RIMBP2: variants seen among roughly 807,000 people sequenced by gnomAD.
The protein encoded by RIMBP2 is RIMS-binding protein 2.
Under a neutral mutation model 118.6 loss-of-function variants are expected in RIMBP2, and 48 were observed. That is an observed-to-expected ratio of 0.40 (90% CI 0.32 to 0.51). The LOEUF is 0.51. Among genes scored for constraint, RIMBP2 ranks in the 20% least tolerant of loss-of-function variants. The pLI, the probability that RIMBP2 is intolerant of heterozygous loss-of-function variation, is 0.41. For synonymous variants in RIMBP2, 762 were observed against 742.9 expected (o/e 1.03, Z -0.42); for missense variants, 1,551 against 1,768.3 (o/e 0.88, Z 2.20).
At chr12:130,510,435 T>C (rs1056657522) in intron 3 of RIMBP2, among the ~76,000 whole-genome samples, 2 of 151,428 alleles carry the variant, frequency 1.3e-5, no homozygotes, top group African/African-American at 2.4e-5. Context: ...CCAGACAGAG[T>C]CCATGGAGGA....
chr12:130,708,914 T>C (rs1385342675), intron 1 of RIMBP2, among the ~76,000 whole-genome samples: 1 of 152,072 alleles, frequency 6.6e-6, no homozygotes, highest in Non-Finnish European at 1.5e-5. Context: ...GCAGCCCGGG[T>C]TTGAAACTGG....
chr12:130,413,962 G>A (rs2075929860), intron 18 of RIMBP2, among the ~76,000 whole-genome samples, 163 bp downstream of exon 18: 1 of 152,212 alleles, frequency 6.6e-6, no homozygotes, highest in African/African-American at 2.4e-5. Flanking sequence ...GCAGAGGGCA[G>A]GGCCCTTGCC....
At chr12:130,508,747 C>T (rs1188233197) in intron 3 of RIMBP2, among the ~76,000 whole-genome samples, 2 of 152,174 alleles carry the variant, frequency 1.3e-5, no homozygotes, top group East Asian at 3.9e-4. Flanking sequence ...TTTCTTCTGC[C>T]TTGCAATTTC....
intron 2 of RIMBP2, among the ~76,000 whole-genome samples, chr12:130,626,794 C>T (rs565548430): frequency 1.3e-5 from 2 of 151,196 alleles, no homozygotes; most frequent in Admixed American, 1.3e-4. Flanking sequence ...ATCACCATCT[C>T]CTCCATCAAC....
intron 6 of RIMBP2, among the ~76,000 whole-genome samples, chr12:130,460,860 C>T (rs1478779323): frequency 1.3e-5 from 2 of 152,142 alleles, no homozygotes; most frequent in South Asian, 2.1e-4. Flanking sequence ...AGCCAGCTCG[C>T]CTTGAGCCCC....
chr12:130,706,067 A>G (rs563740508), intron 1 of RIMBP2, among the ~76,000 whole-genome samples: 2 of 152,378 alleles, frequency 1.3e-5, no homozygotes, highest in East Asian at 1.9e-4. Context: ...TTCCATTCAC[A>G]TGCTAATGAT....
In RIMBP2 at chr12:130,664,403, G is replaced by GCA. The variant is rs1555320851; in HGVS notation, c.-351-35949_-351-35948dup. Among the ~76,000 whole-genome samples the GCA allele has an allele frequency of 2.4e-3, 147 of 61,708 alleles. 2 individuals are homozygous for GCA. The highest frequency in any genetic ancestry group is 0.013 in the Middle Eastern group (1 of 80). 40.5% of individuals were successfully genotyped at this position (61,708 alleles called of 152,430 possible). ...CGCACGCGCATGCACACACACGCAC[G>GCA]CACGCACGCACACACACGCACACAC... On this transcript the variant is annotated intron_variant, in intron 1 of 22. Coordinates refer to ENST00000690449, the MANE Select transcript of RIMBP2 (RefSeq NM_001393629.1).
chr12:130,567,876 C>T (rs556462317), intron 2 of RIMBP2, among the ~76,000 whole-genome samples: 73 of 152,312 alleles, frequency 4.8e-4, no homozygotes, highest in African/African-American at 1.6e-3. Flanking sequence ...AAATAATTAG[C>T]ATGGGCTCTG....
intron 1 of RIMBP2, among the ~76,000 whole-genome samples, chr12:130,662,828 C>G (rs753090731): frequency 6.6e-6 from 1 of 152,030 alleles, no homozygotes; most frequent in African/African-American, 2.4e-5. Flanking sequence ...TGGCGGTGCA[C>G]TCCTATGGTC....
intron 2 of RIMBP2, among the ~76,000 whole-genome samples, chr12:130,544,409 G>A (rs1466605309): frequency 6.6e-6 from 1 of 152,178 alleles, no homozygotes; most frequent in Non-Finnish European, 1.5e-5. Flanking sequence ...CATTGATGCT[G>A]AGATACAGTA....
chr12:130,518,529 C>G (rs2051723919), intron 2 of RIMBP2, among the ~76,000 whole-genome samples: 1 of 152,106 alleles, frequency 6.6e-6, no homozygotes, highest in Non-Finnish European at 1.5e-5. Flanking sequence ...GTTAAGCCCC[C>G]AAAGAAAGCT....
At chr12:130,470,153 T>C (rs1334778583) in intron 6 of RIMBP2, 2 of 152,298 alleles carry the variant, frequency 1.3e-5, no homozygotes, top group Non-Finnish European at 2.9e-5. Flanking sequence ...TCATGTCGTG[T>C]TTGCGAGGAC....
intron 1 of RIMBP2, among the ~76,000 whole-genome samples, chr12:130,702,846 C>T (rs113613862): frequency 1.3e-5 from 2 of 152,042 alleles, no homozygotes; most frequent in African/African-American, 4.8e-5. Context: ...TTCTTGGGGC[C>T]GCTCTTTTCT....
At chr12:130,561,949 T>C (rs2056852145) in intron 2 of RIMBP2, among the ~76,000 whole-genome samples, 1 of 152,152 alleles carries the variant, frequency 6.6e-6, no homozygotes, top group Admixed American at 6.5e-5. Context: ...GTAATATATG[T>C]TCACTGTCAA....
intron 1 of RIMBP2, among the ~76,000 whole-genome samples, chr12:130,714,382 G>T (rs1170992023): frequency 6.6e-6 from 1 of 152,156 alleles, no homozygotes; most frequent in Non-Finnish European, 1.5e-5. Flanking sequence ...GCCCACCCCC[G>T]GACTCTGCAG....
intron 1 of RIMBP2, among the ~76,000 whole-genome samples, chr12:130,647,153 T>TA (rs1322503298): frequency 6.6e-6 from 1 of 152,040 alleles, no homozygotes; most frequent in Admixed American, 6.6e-5. Context: ...AAAAAGCTAA[T>TA]AGTATTCAAG....
rs868595034 is a variant in RIMBP2, at chr12:130,446,029, C to A, written c.582-760G>T. On this transcript the variant is annotated intron_variant, in intron 9 of 22. Transcript: ENST00000690449. The surrounding 1 kb of genome is among the most constrained non-coding windows in gnomAD (Gnocchi z 4.1). The stretch of plus-strand genomic sequence containing the variant: ...CGCATGATTTTATGCTCCCCCCCCC[C>A]ACACCCCCAGGAATATAAGAGTATC... Among the ~76,000 whole-genome samples the A allele has an allele frequency of 8.3e-5, 12 of 144,482 alleles. No individual in the cohort carries two copies. Among genetic ancestry groups the A allele is most frequent in the African/African-American group, 2.0e-4 (8 of 39,076 alleles). 94.8% of individuals were successfully genotyped at this position (144,482 alleles called of 152,430 possible).
chr12:130,518,368 G>C (rs2051706970), intron 2 of RIMBP2, among the ~76,000 whole-genome samples: 1 of 152,216 alleles, frequency 6.6e-6, no homozygotes. Flanking sequence ...CCACAATGTG[G>C]TGAGCGGAAC....
At chr12:130,606,471 G>T (rs1402986045) in intron 2 of RIMBP2, among the ~76,000 whole-genome samples, 1 of 152,248 alleles carries the variant, frequency 6.6e-6, no homozygotes, top group Non-Finnish European at 1.5e-5. Flanking sequence ...CAGGTCTTTA[G>T]GTGGCTGTCA....
Sources: allele counts gnomAD v4.1 joint callset (sites outside exome capture counted in the v4.1 genomes callset), GRCh38; gene constraint gnomAD v4.1.1; non-coding constraint Gnocchi (gnomAD v3.1); transcripts MANE v1.5; gene names NCBI Gene and HGNC (gene_info 2026-07-23, HGNC 2026-07-21).